Variants in UNC80 observed in about 807,000 individuals in gnomAD.
UNC80 encodes the protein protein unc-80 homolog.
A neutral mutation model predicts 384.6 loss-of-function variants in UNC80; 164 were observed. That is an observed-to-expected ratio of 0.43 (90% CI 0.38 to 0.49). The LOEUF (loss-of-function observed/expected upper bound fraction) is 0.49. Among genes scored for constraint, UNC80 ranks in the 20% least tolerant of loss-of-function variants. UNC80 has a pLI of 0.00. For missense variants in UNC80, 3,330 were observed against 4,143.0 expected (o/e 0.80, Z 5.39); for synonymous variants, 1,486 against 1,527.8 (o/e 0.97, Z 0.64).
chr2:209,893,980 A>G (rs2086585099), intron 26 of UNC80, among the ~76,000 whole-genome samples, 183 bp from the exon 27 acceptor site: 1 of 152,182 alleles, frequency 6.6e-6, no homozygotes, highest in Non-Finnish European at 1.5e-5. Context: ...TCCAAGAAAT[A>G]AGCTGCACCA....
intron 58 of UNC80, 28 bp from the exon 59 acceptor site, chr2:209,978,501 A>G (rs1443293913): frequency 6.7e-6 from 10 of 1,493,264 alleles, no homozygotes; most frequent in Non-Finnish European, 8.1e-6. Flanking sequence ...CTCACCATGC[A>G]TTTCCTTTGG....
intron 29 of UNC80, among the ~76,000 whole-genome samples, chr2:209,910,312 C>G (rs2088770897): frequency 6.6e-6 from 1 of 151,896 alleles, no homozygotes; most frequent in South Asian, 2.1e-4. Flanking sequence ...TAGTCTCCTG[C>G]TCCTTCCAGT....
chr2:209,991,093 C>T (rs2093382984), intron 61 of UNC80, among the ~76,000 whole-genome samples: 1 of 152,174 alleles, frequency 6.6e-6, no homozygotes, highest in Non-Finnish European at 1.5e-5. Flanking sequence ...ATTTAAGTAG[C>T]TCTTTATTTA....
intron 7 of UNC80, chr2:209,808,768 T>TCTGCGCTACTCAGCGACCTCGTTGCCC: frequency 3.7e-6 from 1 of 273,810 alleles, no homozygotes. Flanking sequence ...CTGCGCTACT[T>TCTGCGCTACTCAGCGACCTCGTTGCCC]CTGCGCTACT....
intron 61 of UNC80, among the ~76,000 whole-genome samples, chr2:209,990,193 ATTTCT>A (rs1458400176): frequency 6.6e-6 from 1 of 152,194 alleles, no homozygotes; most frequent in Non-Finnish European, 1.5e-5. Flanking sequence ...AGTAACATGC[ATTTCT>A]TTTCTTTTCT....
intron 17 of UNC80, 98 bp downstream of exon 17, chr2:209,834,266 C>G: frequency 7.7e-7 from 1 of 1,298,246 alleles, no homozygotes; most frequent in Non-Finnish European, 1.0e-6. Context: ...GAAATGTCAG[C>G]ATAGGAATGG....
intron 7 of UNC80, among the ~76,000 whole-genome samples, chr2:209,797,218 C>CA (rs979721274): frequency 6.6e-6 from 1 of 151,210 alleles, no homozygotes; most frequent in East Asian, 1.9e-4. Flanking sequence ...AACAAACAAA[C>CA]AAAAAAAATG....
At chr2:209,936,671 CAT>C (rs200235068) in intron 40 of UNC80, among the ~76,000 whole-genome samples, 171 bp from the exon 41 acceptor site, 4,026 of 152,028 alleles carry the variant, frequency 0.026, 108 homozygotes, top group African/African-American at 0.065. Context: ...TGTGTATACA[CAT>C]ATACACACAC....
At chr2:209,844,787 G>GT (rs1359736285) in intron 21 of UNC80, among the ~76,000 whole-genome samples, 1 of 147,370 alleles carries the variant, frequency 6.8e-6, no homozygotes, top group African/African-American at 2.5e-5. Context: ...AGAGATGGGG[G>GT]TGGGGGGATC....
rs976567769 is a variant in UNC80 at position 209,999,213 on chromosome 2, GTTTATGAAAGATA to G, written c.*3634_*3646del. The G allele has an allele frequency of 1.3e-5, 2 of 152,304 alleles. No homozygotes were observed. The highest frequency in any genetic ancestry group is 4.8e-5 in the African/African-American group (2 of 41,570). The allele number at this position is 152,304 out of a possible 1,614,324, so 9.4% of individuals were successfully genotyped here. On this transcript the variant is annotated 3_prime_UTR_variant, in exon 65 of 65. Transcript: ENST00000673920. ...AATGCATATGAATAAATACTGAAAT[GTTTATGAAAGATA>G]TTTATGAAAGATATTAAGACTTCTG...
chr2:209,992,850 A>G (rs886688530), intron 62 of UNC80, among the ~76,000 whole-genome samples: 1 of 152,230 alleles, frequency 6.6e-6, no homozygotes, highest in Non-Finnish European at 1.5e-5. Context: ...GTTCTTTTAC[A>G]TTACTTTCTA....
At chr2:209,808,828 A>G in intron 7 of UNC80, 1 of 342,962 alleles carries the variant, frequency 2.9e-6, no homozygotes, top group Middle Eastern at 4.0e-4. Context: ...CCTCGTCAGG[A>G]AGCTCCCTGA....
intron 7 of UNC80, among the ~76,000 whole-genome samples, chr2:209,794,428 C>G (rs2078025819): frequency 6.6e-6 from 1 of 152,156 alleles, no homozygotes; most frequent in Non-Finnish European, 1.5e-5. Flanking sequence ...GGGGCAAGAG[C>G]TCCTGAGACT....
chr2:209,853,138 G>A (rs2082652015), intron 22 of UNC80, among the ~76,000 whole-genome samples: 1 of 151,920 alleles, frequency 6.6e-6, no homozygotes, highest in South Asian at 2.1e-4. Context: ...GGAGGAGGAG[G>A]GGAAAAATGA....
intron 51 of UNC80, among the ~76,000 whole-genome samples, chr2:209,965,051 A>G (rs1227461616): frequency 6.6e-6 from 1 of 152,092 alleles, no homozygotes; most frequent in African/African-American, 2.4e-5. Context: ...ATACTGAAAT[A>G]TGTCTGGGTA....
rs1415933586 is a variant in UNC80 at position 209,941,457 on chromosome 2, G to A, written c.6883G>A (p.Gly2295Ser). 15 of 1,540,882 alleles carry A rather than the reference G, an allele frequency of 9.7e-6. No homozygotes were observed. Among genetic ancestry groups the A allele is most frequent in the East Asian group, 4.9e-5 (2 of 40,596 alleles). The stretch of plus-strand genomic sequence containing the variant: ...CTTCAACCACCTCTTCTCTCTCAGC[G>A]GCTACCAGTGGATTCTCCCCACCAT... ...VHFNHLFSLS[G>S]YQWILPTMLQ... Residue 2295 changes from glycine (G) to serine (S), a missense_variant, in exon 44 of 65, where the codon GGC becomes AGC. Around this residue, in one of 8 missense-constraint regions of UNC80, gnomAD observed 1,049 missense variants for 1,488.6 expected, o/e 0.70. Coordinates refer to ENST00000673920, the MANE Select transcript of UNC80 (RefSeq NM_001371986.1).
At position 209,789,075 on chromosome 2, in the gene UNC80, A is replaced by G. The variant is rs1386674073; in HGVS notation, c.725-457A>G. Among the ~76,000 whole-genome samples, 6 of 150,802 alleles carry G rather than the reference A, an allele frequency of 4.0e-5. No homozygotes were observed. In the South Asian group the frequency reaches 1.2e-3, roughly 31 times the overall value. On this transcript the variant is annotated intron_variant, in intron 5 of 64. Coordinates refer to ENST00000673920, the MANE Select transcript of UNC80 (RefSeq NM_001371986.1). Reference sequence around the variant, plus strand: ...TAGCCTAGAAGCACTAGGCTATGTCATATAGCCTAGATGTGTAGGTGGCCA... The same window carrying G: ...TAGCCTAGAAGCACTAGGCTATGTCGTATAGCCTAGATGTGTAGGTGGCCA...
chr2:209,955,735 A>ATC (rs2092385994), intron 48 of UNC80, among the ~76,000 whole-genome samples: 1 of 89,882 alleles, frequency 1.1e-5, no homozygotes, highest in Admixed American at 1.0e-4. Flanking sequence ...ATATATATAT[A>ATC]TATACACACA....
At chr2:209,779,202 G>A (rs978881486) in intron 4 of UNC80, among the ~76,000 whole-genome samples, 1 of 152,124 alleles carries the variant, frequency 6.6e-6, no homozygotes, top group Non-Finnish European at 1.5e-5. Context: ...ACCTACCCCT[G>A]TGCACCTCCT....
Sources: allele counts gnomAD v4.1 joint callset (sites outside exome capture counted in the v4.1 genomes callset), GRCh38; gene constraint gnomAD v4.1.1; regional missense constraint gnomAD v4.1.1; transcripts MANE v1.5; gene names NCBI Gene and HGNC (gene_info 2026-07-23, HGNC 2026-07-21).